PCDHGA5: variants seen among roughly 807,000 people sequenced by gnomAD.
PCDHGA5 encodes the protein protocadherin gamma-A5.
In PCDHGA5, 36 loss-of-function variants were observed where a neutral mutation model predicts 56.7. The observed-to-expected ratio is 0.64, with a 90% CI of 0.49 to 0.84. The LOEUF (loss-of-function observed/expected upper bound fraction) is 0.84. PCDHGA5 is among the 40% of genes least tolerant of loss of function. PCDHGA5 has a pLI of 0.00. For synonymous variants in PCDHGA5, 563 were observed against 520.2 expected (o/e 1.08, Z -1.12); for missense variants, 1,305 against 1,201.5 (o/e 1.09, Z -1.27).
chr5:141,456,047 A>G (rs1321504293), intron 1 of PCDHGA5, among the ~76,000 whole-genome samples: 3 of 151,774 alleles, frequency 2.0e-5, no homozygotes, highest in Non-Finnish European at 4.4e-5. Context: ...ACAGGCGCCC[A>G]CCACCACGTC....
chr5:141,481,762 G>A (rs1378950651), intron 1 of PCDHGA5, among the ~76,000 whole-genome samples: 3 of 152,126 alleles, frequency 2.0e-5, no homozygotes, highest in African/African-American at 2.4e-5. Flanking sequence ...GACCAGCCTG[G>A]CCAACATGGT....
chr5:141,490,243 G>A lies in PCDHGA5; in HGVS notation c.2422-4564G>A, dbSNP rs1431165990. 1 of 1,614,238 alleles carries A rather than the reference G, an allele frequency of 6.2e-7. No individual in the cohort carries two copies. The highest frequency in any genetic ancestry group is 8.5e-7 in the Non-Finnish European group (1 of 1,180,038). The stretch of plus-strand genomic sequence containing the variant: ...ACAGCCTGCCATGGAGGGCCACTGT[G>A]TGATTCAAGTGGATGTGGGGGATGT... On this transcript the variant is annotated intron_variant, in intron 1 of 3. Coordinates refer to ENST00000518069, the MANE Select transcript of PCDHGA5 (RefSeq NM_018918.3). This position sits in a 1 kb window ranked among gnomAD's most constrained non-coding sequence, Gnocchi z 5.4.
intron 1 of PCDHGA5, chr5:141,375,274 A>G: frequency 1.9e-6 from 3 of 1,613,898 alleles, no homozygotes; most frequent in Non-Finnish European, 2.5e-6. Context: ...TGGAAAAATC[A>G]GTTGGCAATT....
chr5:141,393,937 A>T, intron 1 of PCDHGA5: 1 of 1,613,906 alleles, frequency 6.2e-7, no homozygotes, highest in Non-Finnish European at 8.5e-7. Context: ...CATGACCAAG[A>T]CTCTGGAAAG....
chr5:141,376,222 G>T (rs1485996653), intron 1 of PCDHGA5: 2 of 1,614,068 alleles, frequency 1.2e-6, no homozygotes, highest in East Asian at 2.2e-5. Flanking sequence ...TGCTGCTGGC[G>T]CTCAGACTGC....
chr5:141,438,368 G>A (rs1216571092), intron 1 of PCDHGA5, among the ~76,000 whole-genome samples: 2 of 151,558 alleles, frequency 1.3e-5, no homozygotes, highest in African/African-American at 4.8e-5. Context: ...GTCATTGAGG[G>A]CAGATATAAT....
At chr5:141,416,010 A>T (rs968655183) in intron 1 of PCDHGA5, 5 of 245,908 alleles carry the variant, frequency 2.0e-5, no homozygotes, top group Non-Finnish European at 3.0e-5. Flanking sequence ...TGGTAAGAAT[A>T]GGTAAGTATC....
Position 141,490,157 on chromosome 5 carries a change from G to T in PCDHGA5, c.2422-4650G>T. 1 of 1,614,210 alleles carries T rather than the reference G, an allele frequency of 6.2e-7. No homozygotes were observed. The highest frequency in any genetic ancestry group is 8.5e-7 in the Non-Finnish European group (1 of 1,180,038). On this transcript the variant is annotated intron_variant, in intron 1 of 3. Transcript: ENST00000518069. This position sits in a 1 kb window ranked among gnomAD's most constrained non-coding sequence, Gnocchi z 5.4. ...AGCAGTGGGGCAATCCATGTGTTGGGTCCCATAGACTTTGAGGAGTCACGT... is the reference window on the plus strand; with the variant it reads ...AGCAGTGGGGCAATCCATGTGTTGGTTCCCATAGACTTTGAGGAGTCACGT...
Position 141,379,889 on chromosome 5 carries a change from C to CTTTTTTTT in PCDHGA5, c.2421+13161_2421+13168dup, listed in dbSNP as rs70988800. On this transcript the variant is annotated intron_variant, in intron 1 of 3. Transcript: ENST00000518069. ...CTTATTTTATGGTCTGTGAAAGCCT[C>CTTTTTTTT]TTTTTTTTTTTTTTTTTTTTTTTTT... Among the ~76,000 whole-genome samples the CTTTTTTTT allele has an allele frequency of 4.7e-3, 239 of 50,824 alleles. 36 individuals carry two copies. The highest frequency in any genetic ancestry group is 8.3e-3 in the African/African-American group (125 of 15,078). The allele number at this position is 50,824 out of a possible 152,430, so 33.3% of individuals were successfully genotyped here.
chr5:141,432,717 C>T lies in PCDHGA5; in HGVS notation c.2422-62090C>T. On this transcript the variant is annotated intron_variant, in intron 1 of 3. Transcript: ENST00000518069. The surrounding 1 kb of genome is among the most constrained non-coding windows in gnomAD (Gnocchi z 6.0). ...GCCGTCCAGGACCACGGCCAGCCCC[C>T]TCTCTCCGCCACTGTCACGCTCACC... 1 of 1,614,030 alleles carries T rather than the reference C, an allele frequency of 6.2e-7. No individual in the cohort carries two copies. Among genetic ancestry groups the T allele is most frequent in the Non-Finnish European group, 8.5e-7 (1 of 1,179,978 alleles).
At chr5:141,498,346 C>T (rs780832000) in intron 2 of PCDHGA5, among the ~76,000 whole-genome samples, 1 of 150,796 alleles carries the variant, frequency 6.6e-6, no homozygotes, top group Non-Finnish European at 1.5e-5. Context: ...ATGGGAAAAG[C>T]CTATGCAAAA....
chr5:141,497,824 T>G (rs1164705269), intron 2 of PCDHGA5, among the ~76,000 whole-genome samples: 1 of 152,086 alleles, frequency 6.6e-6, no homozygotes, highest in African/African-American at 2.4e-5. Flanking sequence ...ACAGGTGTGA[T>G]CGCCCCCGGC....
At chr5:141,474,398 C>A (rs1381347745) in intron 1 of PCDHGA5, among the ~76,000 whole-genome samples, 3 of 152,212 alleles carry the variant, frequency 2.0e-5, no homozygotes, top group Non-Finnish European at 4.4e-5. Context: ...TTCTAACAAG[C>A]TCCCCGGTGA....
chr5:141,420,845 G>T (rs1038454602), intron 1 of PCDHGA5, among the ~76,000 whole-genome samples: 4 of 152,200 alleles, frequency 2.6e-5, no homozygotes, highest in Non-Finnish European at 4.4e-5. Context: ...GGTGTTCTTG[G>T]TAAAGTTTTA....
chr5:141,370,277 C>T, intron 1 of PCDHGA5: 1 of 847,602 alleles, frequency 1.2e-6, no homozygotes, highest in East Asian at 2.6e-5. Flanking sequence ...CGGAGACACC[C>T]ATTAGAGAAC....
At chr5:141,409,088 GAGAAAAC>G in intron 1 of PCDHGA5, 1 of 1,614,044 alleles carries the variant, frequency 6.2e-7, no homozygotes, top group Non-Finnish European at 8.5e-7. Context: ...CTCATTGGAT[GAGAAAAC>G]AGGTATGATT....
chr5:141,490,030 C>G lies in PCDHGA5; in HGVS notation c.2422-4777C>G, dbSNP rs1361758608. The G allele has an allele frequency of 1.2e-6, 2 of 1,614,150 alleles. No individual in the cohort carries two copies. Among genetic ancestry groups the G allele is most frequent in the African/African-American group, 2.7e-5 (2 of 74,936 alleles). The stretch of plus-strand genomic sequence containing the variant: ...ACCCATTGGTACTCTGCTGCTCCGC[C>G]TCAATGCCACTGATCCAGACGAGGG... On this transcript the variant is annotated intron_variant, in intron 1 of 3. Coordinates refer to ENST00000518069, the MANE Select transcript of PCDHGA5 (RefSeq NM_018918.3). This position sits in a 1 kb window ranked among gnomAD's most constrained non-coding sequence, Gnocchi z 5.4.
At chr5:141,401,076 G>T (rs1589429931) in intron 1 of PCDHGA5, among the ~76,000 whole-genome samples, 1 of 152,174 alleles carries the variant, frequency 6.6e-6, no homozygotes, top group Non-Finnish European at 1.5e-5. Context: ...GGGTGCAGTG[G>T]CTCATGCCTG....
intron 1 of PCDHGA5, among the ~76,000 whole-genome samples, chr5:141,480,272 G>A (rs903112862): frequency 7.2e-6 from 1 of 138,796 alleles, no homozygotes; most frequent in African/African-American, 3.0e-5. Flanking sequence ...TTCATTAGCT[G>A]GGTGTGTTGG....
Sources: allele counts gnomAD v4.1 joint callset (sites outside exome capture counted in the v4.1 genomes callset), GRCh38; gene constraint gnomAD v4.1.1; non-coding constraint Gnocchi (gnomAD v3.1); transcripts MANE v1.5; gene names NCBI Gene and HGNC (gene_info 2026-07-23, HGNC 2026-07-21).